Variants in SORCS3 observed in about 807,000 individuals in gnomAD.
The protein encoded by SORCS3 is sortilin related VPS10 domain containing receptor 3, also known as VPS10 domain-containing receptor SorCS3.
In SORCS3, 57 loss-of-function variants were observed where a neutral mutation model predicts 146.3. That is an observed-to-expected ratio of 0.39 (90% confidence interval 0.31 to 0.49). SORCS3 has a LOEUF of 0.49. SORCS3 is among the 20% of genes least tolerant of loss of function. SORCS3 has a pLI of 0.92. For missense variants in SORCS3, 1,341 were observed against 1,575.5 expected (o/e 0.85, Z 2.52); for synonymous variants, 653 against 618.5 (o/e 1.06, Z -0.83).
intron 1 of SORCS3, among the ~76,000 whole-genome samples, chr10:104,751,940 T>TATATATATATATAA (rs2016990575): frequency 9.5e-6 from 1 of 105,180 alleles, no homozygotes; most frequent in Admixed American, 8.9e-5. Flanking sequence ...TATATATATA[T>TATATATATATATAA]ATATATATAT....
At chr10:105,233,038 G>A (rs1268893346) in intron 20 of SORCS3, among the ~76,000 whole-genome samples, 1 of 151,724 alleles carries the variant, frequency 6.6e-6, no homozygotes, top group Non-Finnish European at 1.5e-5. Context: ...GTTATATCCA[G>A]TTGATTGGTG....
chr10:105,039,687 C>T (rs1024185713), intron 4 of SORCS3, among the ~76,000 whole-genome samples: 1 of 151,898 alleles, frequency 6.6e-6, no homozygotes, highest in African/African-American at 2.4e-5. Context: ...GATCTCCTGA[C>T]CTTGGGATCC....
intron 1 of SORCS3, among the ~76,000 whole-genome samples, chr10:104,772,949 A>G (rs1473105071): frequency 6.6e-6 from 1 of 152,216 alleles, no homozygotes; most frequent in Non-Finnish European, 1.5e-5. Context: ...AGGGAGGAAG[A>G]CATATTCAGT....
At chr10:104,861,606 A>G (rs1308545462) in intron 2 of SORCS3, among the ~76,000 whole-genome samples, 1 of 152,006 alleles carries the variant, frequency 6.6e-6, no homozygotes, top group East Asian at 1.9e-4. Context: ...CCCCGAGCCT[A>G]CTTCTTTGGT....
intron 1 of SORCS3, among the ~76,000 whole-genome samples, chr10:104,809,042 A>G (rs1183846508): frequency 6.6e-6 from 1 of 152,234 alleles, no homozygotes; most frequent in African/African-American, 2.4e-5. Flanking sequence ...TTTGTCATAT[A>G]AAATGGGAAG....
chr10:105,062,231 T>G (rs2055492653), intron 5 of SORCS3, among the ~76,000 whole-genome samples: 1 of 152,190 alleles, frequency 6.6e-6, no homozygotes, highest in South Asian at 2.1e-4. Context: ...CACTTATGTT[T>G]TTAAGAAGCA....
intron 5 of SORCS3, 41 bp from the exon 6 acceptor site, chr10:105,089,734 G>T: frequency 6.4e-7 from 1 of 1,552,562 alleles, no homozygotes; most frequent in Non-Finnish European, 8.9e-7. Context: ...GTCTGCTATC[G>T]GTGTTGTCAC....
intron 1 of SORCS3, among the ~76,000 whole-genome samples, chr10:104,782,905 C>A (rs938853166): frequency 1.3e-5 from 2 of 152,158 alleles, no homozygotes; most frequent in Non-Finnish European, 2.9e-5. Flanking sequence ...TCCAACCATA[C>A]TGAATGAGAA....
chr10:104,690,579 A>T (rs575039540), intron 1 of SORCS3, among the ~76,000 whole-genome samples: 92 of 152,320 alleles, frequency 6.0e-4, no homozygotes, highest in Non-Finnish European at 8.5e-4. Context: ...GTAATCCAGA[A>T]TGTAGATTCA....
chr10:105,062,727 CA>C (rs1443002165), intron 5 of SORCS3, among the ~76,000 whole-genome samples: 1 of 152,210 alleles, frequency 6.6e-6, no homozygotes, highest in African/African-American at 2.4e-5. Context: ...CCTAAAGACT[CA>C]AAACTTCATT....
intron 3 of SORCS3, among the ~76,000 whole-genome samples, chr10:104,951,199 C>A (rs1370009038): frequency 6.6e-6 from 1 of 152,104 alleles, no homozygotes; most frequent in African/African-American, 2.4e-5. Flanking sequence ...AATGCATGTT[C>A]TTTTGGACTG....
rs1589584814 is a variant in SORCS3, at chr10:104,995,341, A to G, written c.954+17848A>G. On this transcript the variant is annotated intron_variant, in intron 4 of 26. Transcript: ENST00000369701. ...TGACCGGCTAACTTTTGTATTTTTA[A>G]TAGAGACAGAGTTTCACCATGTTGG... 4.0e-5 allele frequency among the ~76,000 whole-genome samples: 6 copies of G among 151,812 alleles called. No individual in the cohort carries two copies. The South Asian group carries it at 1.2e-3, about 32-fold the overall frequency.
At chr10:105,086,626 T>C (rs1031000613) in intron 5 of SORCS3, among the ~76,000 whole-genome samples, 3 of 152,190 alleles carry the variant, frequency 2.0e-5, no homozygotes, top group Non-Finnish European at 4.4e-5. Context: ...TTCTTTCTTT[T>C]TAGTATAGCA....
chr10:105,223,249 G>A lies in SORCS3; in HGVS notation c.2868G>A (p.Lys956=), dbSNP rs576611721. The A allele has an allele frequency of 2.5e-6, 4 of 1,606,298 alleles. No homozygotes were observed. Among genetic ancestry groups the A allele is most frequent in the East Asian group, 2.2e-5 (1 of 44,668 alleles). Residue 956 remains lysine (K), a splice_region_variant and synonymous_variant, in exon 20 of 27, where the codon AAG becomes AAA. Coordinates refer to ENST00000369701, the MANE Select transcript of SORCS3 (RefSeq NM_014978.3). ...TCTGGTGGTTCGGCAATAGCACAAA[G>A]GTTTGGCCCTTTCTGATTGATGTCA... is the stretch of plus-strand genomic sequence containing the variant. The part of the protein sequence containing the change: ...TYFWWFGNST[K]PLITLDSSIS...
At chr10:104,728,541 A>G (rs557333092) in intron 1 of SORCS3, among the ~76,000 whole-genome samples, 1 of 152,358 alleles carries the variant, frequency 6.6e-6, no homozygotes, top group African/African-American at 2.4e-5. Flanking sequence ...CAGTGAGAGT[A>G]GAACGATTAG....
Position 105,142,756 on chromosome 10 carries a change from G to T in SORCS3, c.1302+3270G>T, listed in dbSNP as rs139604992. On this transcript the variant is annotated intron_variant, in intron 8 of 26. Coordinates refer to ENST00000369701, the MANE Select transcript of SORCS3 (RefSeq NM_014978.3). Reference sequence around the variant, plus strand: ...CATTCTTTTCTGCCTTCACTTCAAGGTGCTTGCAGGTATTGCAAGTCGTTT... The same window carrying T: ...CATTCTTTTCTGCCTTCACTTCAAGTTGCTTGCAGGTATTGCAAGTCGTTT... Among the ~76,000 whole-genome samples, 1,029 of 152,100 alleles carry T rather than the reference G, an allele frequency of 6.8e-3. 6 individuals carry two copies. The highest frequency in any genetic ancestry group is 0.01 in the Non-Finnish European group (688 of 68,024).
chr10:104,793,298 C>A (rs1321628950), intron 1 of SORCS3, among the ~76,000 whole-genome samples: 2 of 152,138 alleles, frequency 1.3e-5, no homozygotes, highest in East Asian at 3.8e-4. Flanking sequence ...ACCTATAATT[C>A]AATCCCAGGT....
At chr10:105,262,756 A>G (rs982162335) in intron 26 of SORCS3, among the ~76,000 whole-genome samples, 2 of 152,188 alleles carry the variant, frequency 1.3e-5, no homozygotes, top group Non-Finnish European at 2.9e-5. Context: ...ACGGGCTTTT[A>G]CTTCTTTTTC....
intron 1 of SORCS3, among the ~76,000 whole-genome samples, chr10:104,700,438 C>G (rs1405490272): frequency 6.6e-6 from 1 of 152,122 alleles, no homozygotes; most frequent in Non-Finnish European, 1.5e-5. Flanking sequence ...CAATTTAGAG[C>G]TTGCATTGAC....
Sources: gnomAD v4.1 joint callset for allele counts (sites outside exome capture counted in the v4.1 genomes callset) on GRCh38, gnomAD v4.1.1 for gene constraint, MANE v1.5 for transcripts, NCBI Gene and HGNC (gene_info 2026-07-23, HGNC 2026-07-21) for gene names.